GRK4: variants seen among roughly 807,000 people sequenced by gnomAD.
The protein encoded by GRK4 is G protein-coupled receptor kinase 4, also known as G protein-coupled receptor kinase 2-like.
In GRK4, 73 loss-of-function variants were observed where a neutral mutation model predicts 77.9. That is an observed-to-expected ratio of 0.94 (90% confidence interval 0.78 to 1.14). GRK4 has a LOEUF of 1.14. GRK4 is among the 50% of genes most tolerant of loss of function. GRK4 has a pLI of 0.00. For synonymous variants in GRK4, 257 were observed against 254.4 expected, an observed-to-expected ratio of 1.01 and a Z score of -0.10; for missense variants, 729 against 700.2, an observed-to-expected ratio of 1.04 and a Z score of -0.46.
At chr4:3,036,356 G>A (rs1024348266) in intron 13 of GRK4, among the ~76,000 whole-genome samples, 2 of 152,200 alleles carry the variant, frequency 1.3e-5, no homozygotes, top group African/African-American at 2.4e-5. Flanking sequence ...GGGGCCTGCC[G>A]GTCCACTTCC....
chr4:3,010,519 G>T (rs1732614776), intron 7 of GRK4, among the ~76,000 whole-genome samples: 1 of 152,142 alleles, frequency 6.6e-6, no homozygotes, highest in Non-Finnish European at 1.5e-5. Flanking sequence ...GAGCCACCGT[G>T]CCTGGCCCGG....
intron 7 of GRK4, among the ~76,000 whole-genome samples, chr4:3,013,370 T>C (rs1733474705): frequency 6.6e-6 from 1 of 152,044 alleles, no homozygotes; most frequent in Admixed American, 6.6e-5. Context: ...ATCTTTTCAG[T>C]TTTACTTTTT....
At chr4:3,008,557 C>CT (rs976897061) in intron 6 of GRK4, among the ~76,000 whole-genome samples, 2 of 152,162 alleles carry the variant, frequency 1.3e-5, no homozygotes, top group African/African-American at 2.4e-5. Context: ...TAATCCAGCA[C>CT]TTTGGGAGGC....
At chr4:3,026,998 G>C (rs563801272) in intron 10 of GRK4, among the ~76,000 whole-genome samples, 1 of 152,358 alleles carries the variant, frequency 6.6e-6, no homozygotes, top group East Asian at 1.9e-4. Context: ...TCCGCTTCCA[G>C]GGCTGGCTAA....
chr4:3,025,387 ATTTT>A (rs71180111), intron 10 of GRK4, among the ~76,000 whole-genome samples: 2 of 112,218 alleles, frequency 1.8e-5, no homozygotes, highest in African/African-American at 3.5e-5. Flanking sequence ...TAGCGATCTA[ATTTT>A]TTTTTTTTTT....
chr4:3,028,224 T>A (rs1560491362), intron 11 of GRK4, among the ~76,000 whole-genome samples: 1 of 152,186 alleles, frequency 6.6e-6, no homozygotes, highest in Non-Finnish European at 1.5e-5. Flanking sequence ...CCTGAGAGGT[T>A]GTGAGTCCTG....
In GRK4 at chr4:3,030,386, T is replaced by C. The variant is rs753791881; in HGVS notation, c.1269+977T>C. 5.3e-5 allele frequency among the ~76,000 whole-genome samples: 8 copies of C among 152,216 alleles called. 1 individual carries two copies. In the South Asian group the frequency reaches 1.7e-3, roughly 32 times the overall value. ...CTCAATCAGTGAGGGAAACTCTCTT[T>C]GTTACTTACTTTAAACCAGTATTTT... On this transcript the variant is annotated intron_variant, in intron 12 of 15. Transcript: ENST00000398052.
intron 5 of GRK4, among the ~76,000 whole-genome samples, chr4:3,006,286 G>C (rs143822488): frequency 6.6e-6 from 1 of 151,566 alleles, no homozygotes; most frequent in Non-Finnish European, 1.5e-5. Flanking sequence ...AGGCTGAGGC[G>C]GGAGAATCGC....
At chr4:2,971,128 G>T (rs1381168080) in intron 1 of GRK4, 2 of 152,114 alleles carry the variant, frequency 1.3e-5, no homozygotes, top group South Asian at 4.1e-4. Flanking sequence ...AACATTTACG[G>T]TATTTTGTAC....
chr4:3,022,606 T>A (rs1403970707), intron 10 of GRK4, among the ~76,000 whole-genome samples, 155 bp downstream of exon 10: 1 of 152,236 alleles, frequency 6.6e-6, no homozygotes, highest in African/African-American at 2.4e-5. Flanking sequence ...TTTAAAAAGA[T>A]GAAATACTGA....
At chr4:2,979,225 AAAAAAAAAAAC>A (rs1256678129) in intron 1 of GRK4, among the ~76,000 whole-genome samples, 5 of 139,632 alleles carry the variant, frequency 3.6e-5, no homozygotes, top group Non-Finnish European at 4.6e-5. Flanking sequence ...ACTCCGTCTC[AAAAAAAAAAAC>A]AAAAAAAAAC....
rs191526643 is a variant in GRK4, at chr4:3,037,125, G to A, written c.1408-249G>A. On this transcript the variant is annotated intron_variant, in intron 13 of 15. Transcript: ENST00000398052. ...TGTGAGAAAGAGGGAGAGAGCCAGG[G>A]CATGCAAGGGACCTGGCACAGACAG... 1.8e-3 allele frequency among the ~76,000 whole-genome samples: 267 copies of A among 151,436 alleles called. 2 individuals carry two copies. Among genetic ancestry groups the A allele is most frequent in the Admixed American group, 3.6e-3 (55 of 15,196 alleles).
rs565526855 is a variant in GRK4, at chr4:2,973,896, A to G, written c.52+9774A>G. ...GCAGTGGCCTTAAGACCGCCGCCCCAACCTCATCCGCCCTCTCTCACTCTG... is the reference window on the plus strand; with the variant it reads ...GCAGTGGCCTTAAGACCGCCGCCCCGACCTCATCCGCCCTCTCTCACTCTG... On this transcript the variant is annotated intron_variant, in intron 1 of 15. Transcript: ENST00000398052. Among the ~76,000 whole-genome samples, 8 of 152,214 alleles carry G rather than the reference A, an allele frequency of 5.3e-5. 1 individual carries two copies. The South Asian group carries it at 1.7e-3, about 32-fold the overall frequency.
chr4:2,999,253 G>A (rs1578149746), intron 4 of GRK4, among the ~76,000 whole-genome samples: 1 of 152,150 alleles, frequency 6.6e-6, no homozygotes, highest in South Asian at 2.1e-4. Flanking sequence ...CGCCTGGGTG[G>A]GGAGTGGTGG....
intron 6 of GRK4, among the ~76,000 whole-genome samples, chr4:3,009,075 A>T (rs1420687547): frequency 6.6e-6 from 1 of 152,122 alleles, no homozygotes; most frequent in African/African-American, 2.4e-5. Flanking sequence ...ACCTATCTTT[A>T]GTTAGTGAGG....
At chr4:2,995,764 T>C (rs1046307559) in intron 4 of GRK4, among the ~76,000 whole-genome samples, 2 of 152,148 alleles carry the variant, frequency 1.3e-5, no homozygotes, top group East Asian at 3.9e-4. Flanking sequence ...TCTACTGGCC[T>C]TGGTTACTGG....
intron 2 of GRK4, among the ~76,000 whole-genome samples, chr4:2,988,075 CAA>C (rs67664476): frequency 3.6e-3 from 120 of 33,684 alleles, no homozygotes; most frequent in African/African-American, 0.013. Context: ...GGCTCTGTCT[CAA>C]AAAAAAAAAA....
Position 2,998,585 on chromosome 4 carries a change from AG to A in GRK4, c.340-5645del, listed in dbSNP as rs1405864084. 3.2e-3 allele frequency among the ~76,000 whole-genome samples: 481 copies of A among 152,182 alleles called. 4 individuals carry two copies. Among genetic ancestry groups the A allele is most frequent in the Non-Finnish European group, 5.6e-3 (380 of 68,010 alleles). On this transcript the variant is annotated intron_variant, in intron 4 of 15. Transcript: ENST00000398052. ...ATTAGCAATTAAAATCCAAAAAAAAAGAAATTAAGAAAGCAATTCCCTTTGT... is the reference window on the plus strand; with the variant it reads ...ATTAGCAATTAAAATCCAAAAAAAAAAAATTAAGAAAGCAATTCCCTTTGT...
chr4:3,012,025 A>C (rs75836666), intron 7 of GRK4, among the ~76,000 whole-genome samples: 21 of 152,312 alleles, frequency 1.4e-4, no homozygotes, highest in African/African-American at 5.0e-4. Flanking sequence ...CTAGCAGGGA[A>C]ATAATCGGCC....
Sources: gnomAD v4.1 joint callset for allele counts (sites outside exome capture counted in the v4.1 genomes callset) on GRCh38, gnomAD v4.1.1 for gene constraint, MANE v1.5 for transcripts, NCBI Gene and HGNC (gene_info 2026-07-23, HGNC 2026-07-21) for gene names.